The following COL4A1 variants were observed in gnomAD, a reference collection of about 807,000 sequenced individuals.
The protein encoded by COL4A1 is collagen alpha-1(IV) chain.
In COL4A1, 40 loss-of-function variants were observed where a neutral mutation model predicts 216.6. That is an observed-to-expected ratio of 0.18 (90% CI 0.14 to 0.24). COL4A1 has a LOEUF of 0.24. Among genes scored for constraint, COL4A1 ranks in the 10% least tolerant of loss-of-function variants. The pLI is 1.00. For synonymous variants in COL4A1, 839 were observed against 810.7 expected (o/e 1.03, Z -0.59); for missense variants, 1,628 against 2,196.8 (o/e 0.74, Z 5.18).
chr13:110,174,344 G>A, intron 39 of COL4A1, 102 bp downstream of exon 39: 1 of 1,273,908 alleles, frequency 7.8e-7, no homozygotes, highest in Non-Finnish European at 1.1e-6. Flanking sequence ...AGGACAGCTG[G>A]CCTCCCTGCT....
In COL4A1 at chr13:110,192,413, G is replaced by C. The variant is rs150274704; in HGVS notation, c.1466-129C>G. The C allele has an allele frequency of 4.4e-5, 39 of 896,190 alleles. No individual in the cohort carries two copies. In the African/African-American group the frequency reaches 6.1e-4, roughly 14 times the overall value. The allele number at this position is 896,190 out of a possible 1,614,324, so 55.5% of individuals were successfully genotyped here. A position where few individuals can be genotyped will look rare whatever the true frequency, so the allele number is the denominator to read the frequency against. On this transcript the variant is annotated intron_variant, in intron 23 of 51. Coordinates refer to ENST00000375820, the MANE Select transcript of COL4A1 (RefSeq NM_001845.6). Reference sequence around the variant, plus strand: ...GATGATTGCTTGGATAATCCAAAGAGAGTAATAACTAAAATGCCCAAGACG... The same window carrying C: ...GATGATTGCTTGGATAATCCAAAGACAGTAATAACTAAAATGCCCAAGACG...
chr13:110,179,997 G>C (rs1878072116), intron 29 of COL4A1, among the ~76,000 whole-genome samples: 1 of 152,200 alleles, frequency 6.6e-6, no homozygotes, highest in African/African-American at 2.4e-5. Flanking sequence ...AGGCATAGAT[G>C]TGAGGCTCCA....
intron 42 of COL4A1, 33 bp downstream of exon 42, chr13:110,170,514 C>CTTG: frequency 6.4e-7 from 1 of 1,569,596 alleles, no homozygotes; most frequent in Non-Finnish European, 8.6e-7. Context: ...CTGTCCCAGT[C>CTTG]CTCAGCCCTG....
In COL4A1 at chr13:110,242,694, T is replaced by A; in HGVS notation, c.125A>T (p.His42Leu). ...AGSGCGKCDC[H>L]GVKGQKGERG... ...ACTCACCTTTTGTCCCTTCACTCCA[T>A]GGCAGTCACATTTGCCACAGCCAGA... The change falls in exon 2 of 52, where the codon CAT becomes CTT. Residue 42 changes from histidine (H) to leucine (L), a missense_variant. Physicochemically the swap from His to Leu is moderately conservative, Grantham distance 99 (BLOSUM62 -3). Transcript: ENST00000375820. 1 of 1,614,222 alleles carries A rather than the reference T, an allele frequency of 6.2e-7. No individual in the cohort carries two copies. Among genetic ancestry groups the A allele is most frequent in the Non-Finnish European group, 8.5e-7 (1 of 1,180,042 alleles).
intron 1 of COL4A1, among the ~76,000 whole-genome samples, chr13:110,263,082 T>C (rs1445640987): frequency 1.3e-5 from 2 of 152,158 alleles, no homozygotes; most frequent in African/African-American, 4.8e-5. Context: ...TCTCCAAACA[T>C]GCCTGGAAAA....
In COL4A1 at chr13:110,174,728, A is replaced by G; in HGVS notation, c.3220T>C (p.Phe1074Leu). 1 of 1,613,834 alleles carries G rather than the reference A, an allele frequency of 6.2e-7. No individual in the cohort carries two copies. Among genetic ancestry groups the G allele is most frequent in the Non-Finnish European group, 8.5e-7 (1 of 1,179,800 alleles). ...CCCTTCTCTCCAGGGCTTCCTGGGA[A>G]ACCCGCTATCCCTTGATCTCCCTGC... The part of the protein sequence containing the change: ...GEKGDQGIAG[F>L]PGSPGEKGEK... The change falls in exon 38 of 52, where the codon TTC becomes CTC. Residue 1074 changes from phenylalanine to leucine, a missense_variant. Phe to Leu is a conservative substitution (Grantham distance 22, BLOSUM62 0). This residue lies in a region of COL4A1 where 345 missense variants were observed against 476.9 expected (regional missense o/e 0.72). Coordinates refer to ENST00000375820, the MANE Select transcript of COL4A1 (RefSeq NM_001845.6).
In COL4A1 at chr13:110,161,287, T is replaced by A. The variant is rs763399157; in HGVS notation, c.4545A>T (p.Ser1515=). ...ACAGCCAGTACGAGTAGTCATTTCG[T>A]GATGCAAAGTTGCACACGTTGTTAA... is the stretch of plus-strand genomic sequence containing the variant. ...CNINNVCNFA[S]RNDYSYWLST... is the part of the protein sequence containing the mutation. Residue 1515 remains serine (S), a synonymous_variant, in exon 49 of 52, where the codon TCA becomes TCT. Coordinates refer to ENST00000375820, the MANE Select transcript of COL4A1 (RefSeq NM_001845.6). 1 of 1,614,212 alleles carries A rather than the reference T, an allele frequency of 6.2e-7. No individual in the cohort carries two copies. The highest frequency in any genetic ancestry group is 8.5e-7 in the Non-Finnish European group (1 of 1,180,042).
chr13:110,199,844 G>C (rs1879094486), intron 20 of COL4A1, among the ~76,000 whole-genome samples: 1 of 152,192 alleles, frequency 6.6e-6, no homozygotes, highest in African/African-American at 2.4e-5. Context: ...GAGACATGAA[G>C]TCACACATTT....
intron 1 of COL4A1, among the ~76,000 whole-genome samples, chr13:110,249,391 GC>G (rs1881978969): frequency 1.3e-5 from 2 of 152,070 alleles, no homozygotes; most frequent in African/African-American, 4.8e-5. Context: ...ATCCACAATC[GC>G]CCCAGCTGGA....
chr13:110,187,108 T>C (rs956358511), intron 25 of COL4A1, 30 bp downstream of exon 25: 3 of 1,612,500 alleles, frequency 1.9e-6, no homozygotes, highest in East Asian at 2.2e-5. Context: ...CACTGTAAAA[T>C]GCACATTCAA....
chr13:110,241,235 G>A (rs1240126971), intron 2 of COL4A1, among the ~76,000 whole-genome samples: 1 of 152,214 alleles, frequency 6.6e-6, no homozygotes, highest in Non-Finnish European at 1.5e-5. Flanking sequence ...CCAGAGCCAG[G>A]AGGGGCCGCC....
intron 1 of COL4A1, among the ~76,000 whole-genome samples, chr13:110,264,555 G>A (rs1209731655): frequency 1.3e-5 from 2 of 152,172 alleles, no homozygotes; most frequent in Non-Finnish European, 2.9e-5. Context: ...TTCAATGGAT[G>A]CACATTCAGG....
intron 22 of COL4A1, among the ~76,000 whole-genome samples, chr13:110,193,844 C>T (rs1878756248): frequency 6.6e-6 from 1 of 152,222 alleles, no homozygotes; most frequent in Admixed American, 6.5e-5. Flanking sequence ...CACGGTACAA[C>T]ACAGCTGAGA....
intron 1 of COL4A1, among the ~76,000 whole-genome samples, chr13:110,280,598 C>T (rs542866890): frequency 2.6e-5 from 4 of 152,318 alleles, no homozygotes; most frequent in African/African-American, 4.8e-5. Flanking sequence ...ATGGGCTTTA[C>T]GTATTACACC....
intron 1 of COL4A1, among the ~76,000 whole-genome samples, chr13:110,269,540 G>C (rs1335689416): frequency 6.6e-6 from 1 of 152,060 alleles, no homozygotes; most frequent in Non-Finnish European, 1.5e-5. Flanking sequence ...TCAGAAACAA[G>C]AAATTATAAA....
intron 1 of COL4A1, among the ~76,000 whole-genome samples, chr13:110,246,081 T>C (rs1159025656): frequency 6.6e-6 from 1 of 152,040 alleles, no homozygotes; most frequent in Middle Eastern, 3.2e-3. Flanking sequence ...ACAAAAGATG[T>C]CTAAGATCAT....
In COL4A1 at chr13:110,152,320, G is replaced by A; in HGVS notation, c.4928+14C>T. On this transcript the variant is annotated intron_variant, in intron 51 of 51. Transcript: ENST00000375820. ...GGGGCCAGCAGCCTGCAAAAAAGCAGTGCTCCCACTTACTTGAACATCTCG... is the reference window on the plus strand; with the variant it reads ...GGGGCCAGCAGCCTGCAAAAAAGCAATGCTCCCACTTACTTGAACATCTCG... 3 of 1,614,016 alleles carry A rather than the reference G, an allele frequency of 1.9e-6. No homozygotes were observed. Among genetic ancestry groups the A allele is most frequent in the Middle Eastern group, 1.7e-4 (1 of 6,056 alleles).
chr13:110,163,550 A>G lies in COL4A1; in HGVS notation c.4162T>C (p.Leu1388=). Residue 1388 remains leucine (L), a synonymous_variant, in exon 47 of 52, where the codon TTG becomes CTG. Transcript: ENST00000375820. The part of the protein sequence containing the change: ...GPKGQQGVTG[L]VGIPGPPGIP... ...CCTGGAGGTCCAGGTATACCCACCA[A>G]TCCTGTAACACCTGAGGCAGAGGAA... 6.2e-7 allele frequency: 1 copy of G among 1,613,854 alleles called. No individual in the cohort carries two copies.
intron 2 of COL4A1, among the ~76,000 whole-genome samples, chr13:110,234,876 T>C (rs1184569895): frequency 1.3e-5 from 2 of 152,162 alleles, no homozygotes; most frequent in Admixed American, 6.5e-5. Context: ...TCAGGAATAT[T>C]CAAAACATGT....
Sources: gnomAD v4.1 joint callset for allele counts (sites outside exome capture counted in the v4.1 genomes callset) on GRCh38, gnomAD v4.1.1 for gene constraint, gnomAD v4.1.1 regional missense constraint, MANE v1.5 for transcripts, NCBI Gene and HGNC (gene_info 2026-07-23, HGNC 2026-07-21) for gene names.